C8orf34: variants seen among roughly 807,000 people sequenced by gnomAD.
C8orf34 encodes the protein chromosome 8 open reading frame 34.
Under a neutral mutation model 68.3 loss-of-function variants are expected in C8orf34, and 65 were observed. The observed-to-expected ratio is 0.95, with a 90% CI of 0.78 to 1.17. C8orf34 has a LOEUF of 1.17. Among genes scored for constraint, C8orf34 ranks in the 50% most tolerant of loss-of-function variants. C8orf34 has a pLI of 0.00. For missense variants in C8orf34, 664 were observed against 655.4 expected, an observed-to-expected ratio of 1.01 and a Z score of -0.14; for synonymous variants, 244 against 241.2, an observed-to-expected ratio of 1.01 and a Z score of -0.11.
chr8:68,692,539 A>G (rs1051800842), intron 8 of C8orf34, among the ~76,000 whole-genome samples: 2 of 152,044 alleles, frequency 1.3e-5, no homozygotes, highest in Non-Finnish European at 2.9e-5. Context: ...AGAATGACAC[A>G]TTTATTAGAA....
intron 1 of C8orf34, among the ~76,000 whole-genome samples, chr8:68,367,417 A>C (rs62521791): frequency 2.3e-5 from 1 of 43,150 alleles, no homozygotes. Context: ...CCAAAGGACT[A>C]TAAATCATGC....
intron 1 of C8orf34, among the ~76,000 whole-genome samples, chr8:68,368,114 C>A (rs1199794034): frequency 1.3e-5 from 2 of 151,998 alleles, no homozygotes; most frequent in East Asian, 3.9e-4. Flanking sequence ...AGTCATTATG[C>A]CAGCCTCCTA....
chr8:68,434,944 G>C (rs1017924369), intron 1 of C8orf34, among the ~76,000 whole-genome samples: 2 of 151,726 alleles, frequency 1.3e-5, no homozygotes, highest in African/African-American at 4.8e-5. Flanking sequence ...AGCTACTCAG[G>C]AGGCTGAGGC....
chr8:68,350,283 G>T (rs1465231067), intron 1 of C8orf34, among the ~76,000 whole-genome samples: 3 of 151,190 alleles, frequency 2.0e-5, no homozygotes, highest in Non-Finnish European at 4.4e-5. Flanking sequence ...TTATTGTGCT[G>T]TGGTCATAGA....
At chr8:68,790,479 G>T (rs1823962810) in intron 12 of C8orf34, among the ~76,000 whole-genome samples, 1 of 152,138 alleles carries the variant, frequency 6.6e-6, no homozygotes, top group South Asian at 2.1e-4. Flanking sequence ...AACGTCAGGG[G>T]TAATGCATAT....
At chr8:68,638,399 A>G (rs1046995522) in intron 7 of C8orf34, among the ~76,000 whole-genome samples, 1 of 151,980 alleles carries the variant, frequency 6.6e-6, no homozygotes, top group Non-Finnish European at 1.5e-5. Context: ...TTATTCTCTA[A>G]AATTTTAGAT....
chr8:68,703,537 CAG>C (rs1821078162), intron 8 of C8orf34, among the ~76,000 whole-genome samples: 1 of 152,044 alleles, frequency 6.6e-6, no homozygotes, highest in Non-Finnish European at 1.5e-5. Context: ...AGGTTTCTTC[CAG>C]ATCTTATTTC....
In C8orf34 at chr8:68,374,068, A is replaced by G. The variant is rs1051466104; in HGVS notation, c.327+42729A>G. 5.9e-5 allele frequency among the ~76,000 whole-genome samples: 9 copies of G among 152,244 alleles called. No homozygotes were observed. The East Asian group carries it at 1.5e-3, about 26-fold the overall frequency. On this transcript the variant is annotated intron_variant, in intron 1 of 13. Transcript: ENST00000518698. ...ATAGCTAGTACTACAGGCGTGCACCATCATGCCCACCTAATCTTTTAATTT... is the reference window on the plus strand; with the variant it reads ...ATAGCTAGTACTACAGGCGTGCACCGTCATGCCCACCTAATCTTTTAATTT...
At chr8:68,645,508 T>C (rs1819142299) in intron 8 of C8orf34, among the ~76,000 whole-genome samples, 1 of 152,172 alleles carries the variant, frequency 6.6e-6, no homozygotes, top group African/African-American at 2.4e-5. Flanking sequence ...GGTCCATCTT[T>C]CAGGATTTCT....
intron 2 of C8orf34, among the ~76,000 whole-genome samples, chr8:68,443,322 A>C (rs1206423475): frequency 2.0e-5 from 3 of 152,218 alleles, no homozygotes. Context: ...TGAAGGGGTT[A>C]TAATTGAATG....
chr8:68,751,499 G>C lies in C8orf34; in HGVS notation c.1405-24900G>C, dbSNP rs189705313. On this transcript the variant is annotated intron_variant, in intron 10 of 13. Transcript: ENST00000518698. ...GGCTAAAGGACTTAATACTTGGTGAGTCTTAATAGAAAAATGTAGGTTGCG... is the reference window on the plus strand; with the variant it reads ...GGCTAAAGGACTTAATACTTGGTGACTCTTAATAGAAAAATGTAGGTTGCG... Among the ~76,000 whole-genome samples the C allele has an allele frequency of 5.9e-5, 9 of 152,292 alleles. No homozygotes were observed. The East Asian group carries it at 1.7e-3, about 29-fold the overall frequency.
intron 7 of C8orf34, among the ~76,000 whole-genome samples, chr8:68,596,390 A>G (rs1010548674): frequency 1.3e-5 from 2 of 152,192 alleles, no homozygotes; most frequent in Non-Finnish European, 2.9e-5. Context: ...ACCTTTAGAA[A>G]TTAATATATT....
chr8:68,553,311 G>T (rs1484681373), intron 7 of C8orf34, among the ~76,000 whole-genome samples: 2 of 150,864 alleles, frequency 1.3e-5, no homozygotes, highest in East Asian at 3.9e-4. Flanking sequence ...TGTGAACCCG[G>T]GAGGCGGAGC....
chr8:68,400,869 A>G (rs1563407556), intron 1 of C8orf34, among the ~76,000 whole-genome samples: 1 of 152,110 alleles, frequency 6.6e-6, no homozygotes, highest in Non-Finnish European at 1.5e-5. Flanking sequence ...TTTTGATTCT[A>G]TGTGAATTTT....
intron 12 of C8orf34, among the ~76,000 whole-genome samples, chr8:68,799,696 T>C (rs1220175064): frequency 6.6e-6 from 1 of 152,232 alleles, no homozygotes; most frequent in African/African-American, 2.4e-5. Flanking sequence ...TGGGCTTTCT[T>C]GTGTGTTTCC....
chr8:68,545,289 T>C (rs1000418270), intron 7 of C8orf34, among the ~76,000 whole-genome samples: 2 of 152,160 alleles, frequency 1.3e-5, no homozygotes, highest in Non-Finnish European at 2.9e-5. Context: ...TGTGCCACCA[T>C]GTAAGACATG....
rs200402776 is a variant in C8orf34, at chr8:68,686,126, A to G, written c.1242-22868A>G. Among the ~76,000 whole-genome samples, 11 of 152,110 alleles carry G rather than the reference A, an allele frequency of 7.2e-5. No individual in the cohort carries two copies. The East Asian group carries it at 1.9e-3, about 27-fold the overall frequency. ...AAATAACAAGCAGTAAGATTGAATC[A>G]GTAATAAAAAAAGATTACCACCACC... is the stretch of plus-strand genomic sequence containing the variant. On this transcript the variant is annotated intron_variant, in intron 8 of 13. Transcript: ENST00000518698.
intron 1 of C8orf34, among the ~76,000 whole-genome samples, chr8:68,420,373 A>G (rs1809909753): frequency 6.6e-6 from 1 of 152,186 alleles, no homozygotes; most frequent in African/African-American, 2.4e-5. Context: ...CCAGAAAAAA[A>G]AATGTAAATT....
At chr8:68,734,651 T>C (rs1822073889) in intron 10 of C8orf34, among the ~76,000 whole-genome samples, 1 of 152,198 alleles carries the variant, frequency 6.6e-6, no homozygotes, top group Admixed American at 6.5e-5. Context: ...ATATCACCAC[T>C]GTTTCTCCTA....
Sources: gnomAD v4.1 joint callset for allele counts (sites outside exome capture counted in the v4.1 genomes callset) on GRCh38, gnomAD v4.1.1 for gene constraint, MANE v1.5 for transcripts, NCBI Gene and HGNC (gene_info 2026-07-23, HGNC 2026-07-21) for gene names.